The following AKT2 variants were observed in gnomAD, a reference collection of about 807,000 sequenced individuals.
The protein encoded by AKT2 is RAC-beta serine/threonine-protein kinase.
A neutral mutation model predicts 58.6 loss-of-function variants in AKT2; 16 were observed. The observed-to-expected ratio is 0.27, with a 90% CI of 0.18 to 0.41. The LOEUF (loss-of-function observed/expected upper bound fraction) is 0.41. Among genes scored for constraint, AKT2 ranks in the 10% least tolerant of loss-of-function variants. The pLI is 1.00. For missense variants in AKT2, 438 were observed against 661.0 expected (o/e 0.66, Z 3.70); for synonymous variants, 253 against 254.0 (o/e 1.00, Z 0.04).
intron 2 of AKT2, 80 bp downstream of exon 2, chr19:40,265,142 G>C: frequency 3.2e-6 from 5 of 1,560,862 alleles, no homozygotes; most frequent in Non-Finnish European, 4.3e-6. Context: ...AAGACCCTCC[G>C]CCTCTGCCTC....
Position 40,242,437 on chromosome 19 carries a change from C to T in AKT2, c.441+97G>A. 6.4e-7 allele frequency: 1 copy of T among 1,555,028 alleles called. No homozygotes were observed. The highest frequency in any genetic ancestry group is 8.8e-7 in the Non-Finnish European group (1 of 1,137,146). Reference sequence around the variant, plus strand: ...AGGGCAGCCTTGTCTCTCAGCTGAGCCCCCTGAACTGTGTTATGGAAACCA... The same window carrying T: ...AGGGCAGCCTTGTCTCTCAGCTGAGTCCCCTGAACTGTGTTATGGAAACCA... On this transcript the variant is annotated intron_variant, in intron 5 of 13. Transcript: ENST00000392038. The surrounding 1 kb of genome is among the most constrained non-coding windows in gnomAD (Gnocchi z 4.3).
At chr19:40,284,973 G>C (rs988207859) in intron 1 of AKT2, 11 of 361,154 alleles carry the variant, frequency 3.0e-5, no homozygotes, top group African/African-American at 6.4e-5. Context: ...CACCGCCTCA[G>C]TGGTATGGCC....
chr19:40,263,547 T>C (rs1218631437), intron 2 of AKT2, among the ~76,000 whole-genome samples: 1 of 152,174 alleles, frequency 6.6e-6, no homozygotes, highest in East Asian at 1.9e-4. Flanking sequence ...AGAACCTTGA[T>C]AGCTGCCAAG....
At chr19:40,266,766 G>A (rs1473161425) in intron 1 of AKT2, among the ~76,000 whole-genome samples, 4 of 152,162 alleles carry the variant, frequency 2.6e-5, no homozygotes, top group Non-Finnish European at 4.4e-5. Flanking sequence ...GCAACGTAGT[G>A]AGAACTTGTC....
intron 2 of AKT2, among the ~76,000 whole-genome samples, chr19:40,264,683 A>G (rs1600084187): frequency 6.6e-6 from 1 of 151,560 alleles, no homozygotes; most frequent in Admixed American, 6.6e-5. Context: ...GCCTCTGACC[A>G]CTGCCGTCTC....
Position 40,241,922 on chromosome 19 carries a change from T to C in AKT2, c.573+16A>G. 1 of 1,613,250 alleles carries C rather than the reference T, an allele frequency of 6.2e-7. No individual in the cohort carries two copies. The highest frequency in any genetic ancestry group is 1.3e-5 in the African/African-American group (1 of 75,050). On this transcript the variant is annotated intron_variant, in intron 6 of 13. Coordinates refer to ENST00000392038, the MANE Select transcript of AKT2 (RefSeq NM_001626.6). ...CCCCCACAGAGGCTCGCGAGCGCAA[T>C]TCCCGGGGCACGCACCTTGGCAATG...
chr19:40,270,928 G>A (rs1310694421), intron 1 of AKT2, among the ~76,000 whole-genome samples: 2 of 151,604 alleles, frequency 1.3e-5, no homozygotes, highest in Non-Finnish European at 2.9e-5. Context: ...CAGGAGGATT[G>A]CTTGAGCCCA....
At chr19:40,276,060 G>A (rs1360457847) in intron 1 of AKT2, among the ~76,000 whole-genome samples, 1 of 151,546 alleles carries the variant, frequency 6.6e-6, no homozygotes, top group African/African-American at 2.4e-5. Context: ...CCATTCTGGA[G>A]TGCAATTCTA....
At chr19:40,263,244 G>A (rs187601363) in intron 2 of AKT2, among the ~76,000 whole-genome samples, 9 of 152,304 alleles carry the variant, frequency 5.9e-5, no homozygotes, top group East Asian at 1.9e-4. Context: ...GCCTCCGCAC[G>A]TGCAGGCCAC....
At chr19:40,264,873 A>C (rs1976231629) in intron 2 of AKT2, among the ~76,000 whole-genome samples, 1 of 152,220 alleles carries the variant, frequency 6.6e-6, no homozygotes, top group African/African-American at 2.4e-5. Context: ...GCCCGGGGCT[A>C]TCCGGCACAG....
chr19:40,265,738 C>T (rs1278942411), intron 1 of AKT2, among the ~76,000 whole-genome samples: 1 of 152,110 alleles, frequency 6.6e-6, no homozygotes, highest in Admixed American at 6.5e-5. Context: ...AATGAGGCAG[C>T]CCAGGGTACC....
rs1974121080 is a variant in AKT2 at position 40,237,769 on chromosome 19, C to T, written c.831+200G>A. ...CTTGCCACAGAGCCACCACCCTGGACCTTGGTGGGGAGCCTGGTGAATGAG... is the reference window on the plus strand; with the variant it reads ...CTTGCCACAGAGCCACCACCCTGGATCTTGGTGGGGAGCCTGGTGAATGAG... On this transcript the variant is annotated intron_variant, in intron 9 of 13. Coordinates refer to ENST00000392038, the MANE Select transcript of AKT2 (RefSeq NM_001626.6). This position sits in a 1 kb window ranked among gnomAD's most constrained non-coding sequence, Gnocchi z 4.5. 1 of 734,438 alleles carries T rather than the reference C, an allele frequency of 1.4e-6. No individual in the cohort carries two copies. Among genetic ancestry groups the T allele is most frequent in the African/African-American group, 1.8e-5 (1 of 55,148 alleles). The allele number at this position is 734,438 out of a possible 1,614,324, so 45.5% of individuals were successfully genotyped here. A position where few individuals can be genotyped will look rare whatever the true frequency, so the allele number is the denominator to read the frequency against.
In AKT2 at chr19:40,235,383, CG is replaced by C; in HGVS notation, c.1176-34del. 6.2e-7 allele frequency: 1 copy of C among 1,610,194 alleles called. No individual in the cohort carries two copies. Among genetic ancestry groups the C allele is most frequent in the Non-Finnish European group, 8.5e-7 (1 of 1,177,634 alleles). On this transcript the variant is annotated intron_variant, in intron 11 of 13. Transcript: ENST00000392038. The surrounding 1 kb of genome is among the most constrained non-coding windows in gnomAD (Gnocchi z 6.3). ...GAGACGGCCGTCAGCACCTGCCTCC[CG>C]GAGCAGCTGGGTTCGGGCAGACGGG...
intron 1 of AKT2, among the ~76,000 whole-genome samples, chr19:40,268,046 CAG>C (rs1976489643): frequency 2.0e-5 from 3 of 152,202 alleles, no homozygotes; most frequent in Admixed American, 2.0e-4. Flanking sequence ...GAGAGGTGGA[CAG>C]GGGAGAACAC....
chr19:40,240,858 G>C (rs959095422), intron 6 of AKT2: 2 of 162,966 alleles, frequency 1.2e-5, no homozygotes, highest in Admixed American at 1.2e-4. Flanking sequence ...GTGAACATGG[G>C]TCACTACAGC....
chr19:40,263,891 T>C (rs975716231), intron 2 of AKT2, among the ~76,000 whole-genome samples: 2 of 152,182 alleles, frequency 1.3e-5, no homozygotes, highest in African/African-American at 4.8e-5. Context: ...CCGATTTCCT[T>C]CAGGCCTTTA....
At chr19:40,267,699 C>A (rs978587093) in intron 1 of AKT2, among the ~76,000 whole-genome samples, 1 of 152,218 alleles carries the variant, frequency 6.6e-6, no homozygotes, top group African/African-American at 2.4e-5. Flanking sequence ...CAGGGACACA[C>A]TACCAGACTC....
chr19:40,268,662 T>TCAGCA (rs1976525544), intron 1 of AKT2: 1 of 152,632 alleles, frequency 6.6e-6, no homozygotes, highest in African/African-American at 2.4e-5. Context: ...CAAGCTCATC[T>TCAGCA]CAGCAACTAA....
chr19:40,273,857 A>G (rs1006673462), intron 1 of AKT2, among the ~76,000 whole-genome samples: 21 of 152,202 alleles, frequency 1.4e-4, no homozygotes, highest in Non-Finnish European at 1.0e-4. Flanking sequence ...TCCCCTGCTC[A>G]GGACCTCTCC....
Sources: gnomAD v4.1 joint callset for allele counts (sites outside exome capture counted in the v4.1 genomes callset) on GRCh38, gnomAD v4.1.1 for gene constraint, Gnocchi (gnomAD v3.1) non-coding constraint, MANE v1.5 for transcripts, NCBI Gene and HGNC (gene_info 2026-07-23, HGNC 2026-07-21) for gene names.